METTL2A: variants seen among roughly 807,000 people sequenced by gnomAD.
The protein encoded by METTL2A is tRNA N(3)-cytidine methyltransferase METTL2A.
A neutral mutation model predicts 49.4 loss-of-function variants in METTL2A; 45 were observed. The ratio of observed to expected loss-of-function variants is 0.91; its 90% CI spans 0.72 to 1.17. The LOEUF is 1.17. Ranked by LOEUF, METTL2A falls within the 50% of genes most tolerant of loss-of-function variation. The probability of loss-of-function intolerance (pLI) is 0.00; values close to 1 mark genes in which losing one functional copy is unlikely to be tolerated. For missense variants in METTL2A, 361 were observed against 462.2 expected, an observed-to-expected ratio of 0.78 and a Z score of 2.01; for synonymous variants, 118 against 167.5, an observed-to-expected ratio of 0.70 and a Z score of 2.28.
rs1441210642 is a variant in METTL2A at position 62,449,826 on chromosome 17, T to G, written c.*1097T>G. 2 of 159,692 alleles carry G rather than the reference T, an allele frequency of 1.3e-5. No homozygotes were observed. The highest frequency in any genetic ancestry group is 2.7e-5 in the Non-Finnish European group (2 of 72,732). 9.9% of individuals were successfully genotyped at this position (159,692 alleles called of 1,614,324 possible). ...GGCCGGGTGCGGCAGCTCATGCCTG[T>G]AATCCCAACACTTTGGGAGGCTGAG... On this transcript the variant is annotated 3_prime_UTR_variant, in exon 9 of 9. Transcript: ENST00000311506.
Position 62,448,877 on chromosome 17 carries a change from A to G in METTL2A, c.*148A>G, listed in dbSNP as rs1132663. ...AGGATCCATTGAGCCCAGCAGTCCAACCTGGGCAAAATAGTGAGAGACCCT... is the reference window on the plus strand; with the variant it reads ...AGGATCCATTGAGCCCAGCAGTCCAGCCTGGGCAAAATAGTGAGAGACCCT... On this transcript the variant is annotated 3_prime_UTR_variant, in exon 9 of 9. Transcript: ENST00000311506. The G allele has an allele frequency of 8.1e-7, 1 of 1,239,088 alleles. No homozygotes were observed. The highest frequency in any genetic ancestry group is 1.1e-6 in the Non-Finnish European group (1 of 919,192). 76.8% of individuals were successfully genotyped at this position (1,239,088 alleles called of 1,614,324 possible).
Position 62,443,172 on chromosome 17 carries a change from A to G in METTL2A, c.810-1665A>G, listed in dbSNP as rs896143. ...AGGAGTGCTTGAAGCCAGGAGCTCA[A>G]GACCAGCTTGGGCAACAAAGCAGGA... On this transcript the variant is annotated intron_variant, in intron 6 of 8. Coordinates refer to ENST00000311506, the MANE Select transcript of METTL2A (RefSeq NM_181725.4). Among the ~76,000 whole-genome samples, 289 of 152,338 alleles carry G rather than the reference A, an allele frequency of 1.9e-3. 1 individual carries two copies. Among genetic ancestry groups the G allele is most frequent in the Admixed American group, 5.2e-3 (79 of 15,294 alleles).
In METTL2A at chr17:62,432,033, T is replaced by A. The variant is rs189230447; in HGVS notation, c.609-3199T>A. Among the ~76,000 whole-genome samples the A allele has an allele frequency of 4.2e-4, 63 of 151,684 alleles. 2 individuals are homozygous for A. The highest frequency in any genetic ancestry group is 1.4e-3 in the African/African-American group (56 of 41,088). On this transcript the variant is annotated intron_variant, in intron 4 of 8. Transcript: ENST00000311506. ...CGCACCTGGCCGTAATACAGTGGTT[T>A]TAAGTTAATTCACAGAGTTGTGCAG... is the stretch of plus-strand genomic sequence containing the variant.
In METTL2A at chr17:62,447,731, G is replaced by A. The variant is rs2070778648; in HGVS notation, c.947G>A (p.Arg316Lys). 1.5e-5 allele frequency: 24 copies of A among 1,614,174 alleles called. No homozygotes were observed. Among genetic ancestry groups the A allele is most frequent in the Non-Finnish European group, 1.9e-5 (23 of 1,180,014 alleles). Residue 316 changes from arginine (R) to lysine (K), a missense_variant, in exon 8 of 9, where the codon AGA (arginine) becomes AAA (lysine). Physicochemically the swap from Arg to Lys is conservative, Grantham distance 26. Transcript: ENST00000311506. ...TGTCTATCTGGAAATTTCTACGTGAGAGGTGATGGAACCAGAGTTTACTTC... is the reference window on the plus strand; with the variant it reads ...TGTCTATCTGGAAATTTCTACGTGAAAGGTGATGGAACCAGAGTTTACTTC... ...GQCLSGNFYV[R>K]GDGTRVYFFT...
At position 62,449,178 on chromosome 17, in the gene METTL2A, A is replaced by C. The variant is rs1267143314; in HGVS notation, c.*449A>C. The C allele has an allele frequency of 4.0e-6, 1 of 250,158 alleles. No homozygotes were observed. Among genetic ancestry groups the C allele is most frequent in the African/African-American group, 2.4e-5 (1 of 42,212 alleles). The allele number at this position is 250,158 out of a possible 1,614,324, so 15.5% of individuals were successfully genotyped here. On this transcript the variant is annotated 3_prime_UTR_variant, in exon 9 of 9. Transcript: ENST00000311506. ...ACCACCAATTTATTTCCATGTGAAA[A>C]AGTGTTACATATGACAAGTGTTTTT...
intron 5 of METTL2A, among the ~76,000 whole-genome samples, chr17:62,438,794 A>G (rs2070718328): frequency 6.6e-6 from 1 of 151,964 alleles, no homozygotes; most frequent in Non-Finnish European, 1.5e-5. Context: ...AATATTTTCT[A>G]GTTGGGAGTT....
chr17:62,440,341 A>G (rs527424924), intron 5 of METTL2A, among the ~76,000 whole-genome samples: 7 of 152,236 alleles, frequency 4.6e-5, no homozygotes, highest in African/African-American at 1.7e-4. Flanking sequence ...TTTCAATAGC[A>G]AAAACCGCAA....
intron 4 of METTL2A, among the ~76,000 whole-genome samples, chr17:62,434,710 TTG>T (rs1289495513): frequency 9.2e-5 from 14 of 152,192 alleles, no homozygotes; most frequent in Non-Finnish European, 4.4e-5. Context: ...CACAGGGATT[TTG>T]TGTTGTTCAT....
intron 5 of METTL2A, among the ~76,000 whole-genome samples, chr17:62,436,922 A>G (rs1202825129): frequency 6.6e-6 from 1 of 152,196 alleles, no homozygotes; most frequent in African/African-American, 2.4e-5. Context: ...ATTTCAAAAC[A>G]AAAAACCTTT....
At chr17:62,424,399 A>G in intron 2 of METTL2A, 89 bp downstream of exon 2, 1 of 1,566,136 alleles carries the variant, frequency 6.4e-7, no homozygotes, top group Non-Finnish European at 8.7e-7. Flanking sequence ...GCGGCCGCCC[A>G]GATCCTTTAT....
Position 62,451,265 on chromosome 17 carries a change from G to C in METTL2A, c.*2536G>C, listed in dbSNP as rs1361187730. Among the ~76,000 whole-genome samples, 1 of 150,744 alleles carries C rather than the reference G, an allele frequency of 6.6e-6. No individual in the cohort carries two copies. The highest frequency in any genetic ancestry group is 1.5e-5 in the Non-Finnish European group (1 of 67,840). On this transcript the variant is annotated 3_prime_UTR_variant, in exon 9 of 9. Coordinates refer to ENST00000311506, the MANE Select transcript of METTL2A (RefSeq NM_181725.4). ...AAGTTTAAATGATTCTCCTGCCTCA[G>C]CCTCCCAAGTAGCTGGAATTACAGG...
At chr17:62,431,988 G>A (rs1163628837) in intron 4 of METTL2A, among the ~76,000 whole-genome samples, 2 of 152,152 alleles carry the variant, frequency 1.3e-5, no homozygotes, top group African/African-American at 4.8e-5. Context: ...CAAAGTGCTG[G>A]GATTACAGGC....
intron 7 of METTL2A, among the ~76,000 whole-genome samples, chr17:62,446,602 T>G (rs2070770538): frequency 6.6e-6 from 1 of 152,216 alleles, no homozygotes; most frequent in African/African-American, 2.4e-5. Flanking sequence ...TGTGAGCCAC[T>G]GCGCTCGGCT....
chr17:62,431,590 G>T (rs1275628861), intron 4 of METTL2A, among the ~76,000 whole-genome samples: 1 of 152,028 alleles, frequency 6.6e-6, no homozygotes, highest in African/African-American at 2.4e-5. Flanking sequence ...TTTTTTTAAT[G>T]TATCTGATAA....
At position 62,424,012 on chromosome 17, in the gene METTL2A, G is replaced by C. The variant is rs752794656; in HGVS notation, c.110G>C (p.Trp37Ser). 2 of 1,613,760 alleles carry C rather than the reference G, an allele frequency of 1.2e-6. No individual in the cohort carries two copies. Among genetic ancestry groups the C allele is most frequent in the Non-Finnish European group, 1.7e-6 (2 of 1,179,906 alleles). The change falls in exon 1 of 9, where the codon TGG becomes TCG. Residue 37 changes from tryptophan to serine, a missense_variant and splice_region_variant. This residue lies in a region of METTL2A where 150 missense variants were observed against 170.1 expected (regional missense o/e 0.88). Coordinates refer to ENST00000311506, the MANE Select transcript of METTL2A (RefSeq NM_181725.4). Reference sequence around the variant, plus strand: ...GCGCGCGTCTTCCACCACAATGCCTGGTAATCACTCTGCCCCTTCGCCCGG... The same window carrying C: ...GCGCGCGTCTTCCACCACAATGCCTCGTAATCACTCTGCCCCTTCGCCCGG... ...DPARVFHHNA[W>S]DNVEWSEEQA...
chr17:62,449,363 A>G lies in METTL2A; in HGVS notation c.*634A>G, dbSNP rs1474193674. ...TCCTGACAAAAAAAAATGACCCTAC[A>G]GAGAGCATCAAAATGTGGTGTTCTT... On this transcript the variant is annotated 3_prime_UTR_variant, in exon 9 of 9. Transcript: ENST00000311506. 2.2e-6 allele frequency: 1 copy of G among 451,124 alleles called. No homozygotes were observed. The highest frequency in any genetic ancestry group is 4.4e-6 in the Non-Finnish European group (1 of 225,558). 27.9% of individuals were successfully genotyped at this position (451,124 alleles called of 1,614,324 possible).
In METTL2A at chr17:62,450,073, A is replaced by C. The variant is rs1437357566; in HGVS notation, c.*1344A>C. On this transcript the variant is annotated 3_prime_UTR_variant, in exon 9 of 9. Transcript: ENST00000311506. ...CATGTCACTGCATTCCAGCCTGGGCAACAGAGGAAGACTCCGTCTCAAAAA... is the reference window on the plus strand; with the variant it reads ...CATGTCACTGCATTCCAGCCTGGGCCACAGAGGAAGACTCCGTCTCAAAAA... 6.6e-6 allele frequency: 1 copy of C among 151,818 alleles called. No homozygotes were observed. Among genetic ancestry groups the C allele is most frequent in the African/African-American group, 2.4e-5 (1 of 41,294 alleles). The allele number at this position is 151,818 out of a possible 1,614,324, so 9.4% of individuals were successfully genotyped here. A position where few individuals can be genotyped will look rare whatever the true frequency, so the allele number is the denominator to read the frequency against.
chr17:62,431,991 T>C (rs2070669147), intron 4 of METTL2A, among the ~76,000 whole-genome samples: 1 of 152,128 alleles, frequency 6.6e-6, no homozygotes, highest in African/African-American at 2.4e-5. Context: ...AGTGCTGGGA[T>C]TACAGGCGTG....
chr17:62,446,511 C>T (rs2070769930), intron 7 of METTL2A, among the ~76,000 whole-genome samples: 1 of 152,156 alleles, frequency 6.6e-6, no homozygotes. Flanking sequence ...CAGGGTTTCA[C>T]CATGTTGGTC....
Sources: allele counts gnomAD v4.1 joint callset (sites outside exome capture counted in the v4.1 genomes callset), GRCh38; gene constraint gnomAD v4.1.1; regional missense constraint gnomAD v4.1.1; transcripts MANE v1.5; gene names NCBI Gene and HGNC (gene_info 2026-07-23, HGNC 2026-07-21).